THNSL1: variants seen among roughly 807,000 people sequenced by gnomAD.
The protein encoded by THNSL1 is threonine synthase like 1.
A neutral mutation model predicts 50.4 loss-of-function variants in THNSL1; 48 were observed. That is an observed-to-expected ratio of 0.95 (90% CI 0.76 to 1.21). The LOEUF (loss-of-function observed/expected upper bound fraction) is 1.21, where lower values mean the gene tolerates loss of function less well. Ranked by LOEUF, THNSL1 falls within the 50% of genes most tolerant of loss-of-function variation. The pLI, the probability that THNSL1 is intolerant of heterozygous loss-of-function variation, is 0.00. For missense variants in THNSL1, 896 were observed against 871.7 expected (o/e 1.03, Z -0.35); for synonymous variants, 309 against 306.1 (o/e 1.01, Z -0.10).
chr10:25,015,863 G>C, upstream of THNSL1: 1 of 1,603,334 alleles, frequency 6.2e-7, no homozygotes, highest in Non-Finnish European at 8.5e-7. Flanking sequence ...CACATACCTA[G>C]GAGGCTGGGG....
chr10:25,023,304 A>G lies in THNSL1; in HGVS notation c.81A>G (p.Lys27=). 1 of 1,614,158 alleles carries G rather than the reference A, an allele frequency of 6.2e-7. No individual in the cohort carries two copies. Among genetic ancestry groups the G allele is most frequent in the Non-Finnish European group, 8.5e-7 (1 of 1,180,010 alleles). Residue 27 remains lysine, a synonymous_variant, in exon 3 of 3, where the codon AAA becomes AAG. Coordinates refer to ENST00000376356, the MANE Select transcript of THNSL1 (RefSeq NM_024838.5). ...CFSSIHVKTD[K]HAQRFLSRTF... ...CTAGTATACATGTTAAAACGGATAA[A>G]CATGCACAGCGATTTCTTTCAAGAA...
the THNSL1 span, among the ~76,000 whole-genome samples, chr10:24,971,602 T>C: frequency 7.2e-5 from 11 of 152,170 alleles, no homozygotes; most frequent in African/African-American, 2.7e-4. Context: ...AAGTGTCAAG[T>C]GGGGTTTTAA....
the THNSL1 span, among the ~76,000 whole-genome samples, chr10:25,004,433 G>T: frequency 6.6e-6 from 1 of 151,778 alleles, no homozygotes; most frequent in Admixed American, 6.6e-5. Context: ...AACCTCACCA[G>T]TATCTTTTGA....
Position 25,025,529 on chromosome 10 carries a change from A to G in THNSL1, c.*74A>G, listed in dbSNP as rs1850833228. On this transcript the variant is annotated 3_prime_UTR_variant, in exon 3 of 3. Coordinates refer to ENST00000376356, the MANE Select transcript of THNSL1 (RefSeq NM_024838.5). The stretch of plus-strand genomic sequence containing the variant: ...AATCTCAAACACTGATTTGGAGTAC[A>G]GTAGCATTTTGTCTTTTATGTAAAT... 19 of 1,399,524 alleles carry G rather than the reference A, an allele frequency of 1.4e-5. No homozygotes were observed. Among genetic ancestry groups the G allele is most frequent in the Non-Finnish European group, 1.7e-5 (18 of 1,029,228 alleles). 86.7% of individuals were successfully genotyped at this position (1,399,524 alleles called of 1,614,324 possible).
At chr10:24,959,233 G>A in the THNSL1 span, among the ~76,000 whole-genome samples, 1 of 152,216 alleles carries the variant, frequency 6.6e-6, no homozygotes, top group Admixed American at 6.5e-5. Context: ...CTGGGGAGAC[G>A]ATCAGCTAGA....
In THNSL1 at chr10:25,025,463, C is replaced by A; in HGVS notation, c.*8C>A. On this transcript the variant is annotated 3_prime_UTR_variant, in exon 3 of 3. Transcript: ENST00000376356. ...CAAAATCAATTCATATGAAAGCTTT[C>A]AGAGTAAATTTTTTTTTCTAGCTAT... 6.3e-7 allele frequency: 1 copy of A among 1,586,218 alleles called. No individual in the cohort carries two copies. Among genetic ancestry groups the A allele is most frequent in the Non-Finnish European group, 8.6e-7 (1 of 1,169,444 alleles).
chr10:24,978,489 T>A, the THNSL1 span, among the ~76,000 whole-genome samples: 2 of 151,070 alleles, frequency 1.3e-5, no homozygotes. Flanking sequence ...TGTCTTCTTT[T>A]CTTCTCCTTC....
chr10:24,984,739 T>C, the THNSL1 span: 6 of 1,607,056 alleles, frequency 3.7e-6, no homozygotes, highest in African/African-American at 1.3e-5. Context: ...TTCTTACTTA[T>C]TGGCAATATA....
chr10:24,968,755 A>T, the THNSL1 span, among the ~76,000 whole-genome samples: 6 of 152,162 alleles, frequency 3.9e-5, no homozygotes, highest in Admixed American at 3.3e-4. Context: ...AAAACCCATA[A>T]TTTCACCTAG....
chr10:25,024,460 A>C lies in THNSL1; in HGVS notation c.1237A>C (p.Ser413Arg). 6.2e-7 allele frequency: 1 copy of C among 1,614,168 alleles called. No homozygotes were observed. The highest frequency in any genetic ancestry group is 8.5e-7 in the Non-Finnish European group (1 of 1,180,032). The change falls in exon 3 of 3, where the codon AGT becomes CGT. Residue 413 changes from serine (S) to arginine (R), a missense_variant. By Grantham distance (110) the Ser-to-Arg change is moderately radical (BLOSUM62 -1). Transcript: ENST00000376356. Reference protein sequence around the residue: ...VVAFFPENGVSDFQKAQIIGS... With the variant: ...VVAFFPENGVRDFQKAQIIGS... ...TGCATTTTTTCCTGAGAATGGAGTAAGTGATTTTCAAAAAGCACAAATAAT... is the reference window on the plus strand; with the variant it reads ...TGCATTTTTTCCTGAGAATGGAGTACGTGATTTTCAAAAAGCACAAATAAT...
At chr10:24,952,651 G>T in the THNSL1 span, 957 of 894,430 alleles carry the variant, frequency 1.1e-3, 22 homozygotes, top group South Asian at 0.013. The surrounding 1 kb of genome is among the most constrained non-coding windows in gnomAD (Gnocchi z 5.1). Context: ...TGGGGGATGG[G>T]ACGTGGGGAT....
upstream of THNSL1, among the ~76,000 whole-genome samples, chr10:25,016,323 C>T (rs1588668316): frequency 6.6e-6 from 1 of 152,188 alleles, no homozygotes; most frequent in East Asian, 1.9e-4. Flanking sequence ...AAAATGATGT[C>T]CCCTTAAAAA....
At chr10:24,995,604 T>C in the THNSL1 span, 1 of 1,498,336 alleles carries the variant, frequency 6.7e-7, no homozygotes, top group South Asian at 1.2e-5. Context: ...ATATTTAAAT[T>C]ATTTGAATTT....
the THNSL1 span, among the ~76,000 whole-genome samples, chr10:24,986,727 G>A: frequency 6.6e-6 from 1 of 152,092 alleles, no homozygotes. Flanking sequence ...ATAACGTTTG[G>A]ATCAAAGTCA....
the THNSL1 span, chr10:24,990,595 T>G: frequency 1.3e-6 from 2 of 1,599,700 alleles, no homozygotes; most frequent in South Asian, 1.1e-5. Flanking sequence ...TGTATTCAGG[T>G]GTGACACCAT....
chr10:25,017,324 G>A (rs905924992), intron 1 of THNSL1, among the ~76,000 whole-genome samples: 4 of 152,152 alleles, frequency 2.6e-5, no homozygotes, highest in South Asian at 2.1e-4. Flanking sequence ...TCATTTAGAC[G>A]CTTTTACCCG....
rs1850821112 is a variant in THNSL1, at chr10:25,025,116, C to T, written c.1893C>T (p.Thr631=). The T allele has an allele frequency of 1.2e-6, 2 of 1,614,068 alleles. No homozygotes were observed. The highest frequency in any genetic ancestry group is 2.2e-5 in the East Asian group (1 of 44,872). ...EGECLAAINS[T]YNTSGYILDP... ...AGTGCCTAGCAGCTATTAACTCCAC[C>T]TATAATACTTCAGGGTATATTTTGG... Residue 631 remains threonine, a synonymous_variant, in exon 3 of 3, where the codon ACC becomes ACT. Transcript: ENST00000376356.
chr10:24,959,178 A>T, the THNSL1 span, among the ~76,000 whole-genome samples: 7 of 152,156 alleles, frequency 4.6e-5, no homozygotes, highest in Non-Finnish European at 1.0e-4. Context: ...AACAAAAACA[A>T]AAAAAGGGGG....
At chr10:25,001,311 T>C in the THNSL1 span, among the ~76,000 whole-genome samples, 1 of 152,022 alleles carries the variant, frequency 6.6e-6, no homozygotes, top group African/African-American at 2.4e-5. Flanking sequence ...CTGGCTGTTT[T>C]AAACTTTTTT....
Sources: allele counts gnomAD v4.1 joint callset (sites outside exome capture counted in the v4.1 genomes callset), GRCh38; gene constraint gnomAD v4.1.1; non-coding constraint Gnocchi (gnomAD v3.1); transcripts MANE v1.5; gene names NCBI Gene and HGNC (gene_info 2026-07-23, HGNC 2026-07-21).